MALSU1: variants seen among roughly 807,000 people sequenced by gnomAD.
MALSU1 encodes mitochondrial assembly of ribosomal large subunit 1.
MALSU1 carries 22 observed loss-of-function variants against 22.1 expected under a neutral mutation model. That is an observed-to-expected ratio of 1.00 (90% CI 0.71 to 1.42). The LOEUF is 1.42. Ranked by LOEUF, MALSU1 falls within the 40% of genes most tolerant of loss-of-function variation. The probability of loss-of-function intolerance (pLI) is 0.00; values close to 1 mark genes in which losing one functional copy is unlikely to be tolerated. For synonymous variants in MALSU1, 153 were observed against 118.5 expected, an observed-to-expected ratio of 1.29 and a Z score of -1.89; for missense variants, 379 against 308.3, an observed-to-expected ratio of 1.23 and a Z score of -1.72.
intron 2 of MALSU1, among the ~76,000 whole-genome samples, chr7:23,304,816 A>G (rs1204640861): frequency 2.0e-5 from 3 of 152,196 alleles, no homozygotes; most frequent in Non-Finnish European, 2.9e-5. Flanking sequence ...GGAGCTCTCT[A>G]TATATTCTGG....
chr7:23,302,553 GAC>G (rs1344586841), intron 2 of MALSU1, among the ~76,000 whole-genome samples: 1 of 152,196 alleles, frequency 6.6e-6, no homozygotes, highest in Non-Finnish European at 1.5e-5. Flanking sequence ...GATATACAAA[GAC>G]AGCATACCAG....
Position 23,300,939 on chromosome 7 carries a change from A to T in MALSU1, c.357A>T (p.Arg119Ser). 1 of 1,614,004 alleles carries T rather than the reference A, an allele frequency of 6.2e-7. No individual in the cohort carries two copies. The highest frequency in any genetic ancestry group is 8.5e-7 in the Non-Finnish European group (1 of 1,179,892). Residue 119 changes from arginine to serine, a missense_variant, in exon 2 of 4, where the codon AGA becomes AGT. Coordinates refer to ENST00000466681, the MANE Select transcript of MALSU1 (RefSeq NM_138446.2). ...ICVIQVPPEM[R>S]YTDYFVIVSG... ...TGATCCAGGTTCCTCCAGAAATGAGATATACAGATTACTTTGTGATTGTTA... is the reference window on the plus strand; with the variant it reads ...TGATCCAGGTTCCTCCAGAAATGAGTTATACAGATTACTTTGTGATTGTTA...
At chr7:23,300,168 C>G (rs1783622188) in intron 1 of MALSU1, among the ~76,000 whole-genome samples, 1 of 151,928 alleles carries the variant, frequency 6.6e-6, no homozygotes, top group Admixed American at 6.6e-5. Context: ...AAATTTACAG[C>G]CTGTAATACT....
In MALSU1 at chr7:23,309,624, C is replaced by T; in HGVS notation, c.*81C>T. 8.9e-7 allele frequency: 1 copy of T among 1,126,434 alleles called. No homozygotes were observed. The highest frequency in any genetic ancestry group is 1.2e-6 in the Non-Finnish European group (1 of 808,638). 69.8% of individuals were successfully genotyped at this position (1,126,434 alleles called of 1,614,324 possible). Reference sequence around the variant, plus strand: ...AAATACAGCTCCTAAAGTCCGTCTCCTTGGTTAGGCTGCTCTTAGGACAAG... The same window carrying T: ...AAATACAGCTCCTAAAGTCCGTCTCTTTGGTTAGGCTGCTCTTAGGACAAG... On this transcript the variant is annotated 3_prime_UTR_variant, in exon 4 of 4. Coordinates refer to ENST00000466681, the MANE Select transcript of MALSU1 (RefSeq NM_138446.2).
rs1370462465 is a variant in MALSU1 at position 23,299,488 on chromosome 7, G to A, written c.136G>A (p.Ala46Thr). 1 of 1,611,412 alleles carries A rather than the reference G, an allele frequency of 6.2e-7. No individual in the cohort carries two copies. Among genetic ancestry groups the A allele is most frequent in the African/African-American group, 1.3e-5 (1 of 75,066 alleles). ...GGCCGTGCAGCGGCTTCCCGTAGGAGCAGCGTTCTGCCGGGCTTGCCAGAC... is the reference window on the plus strand; with the variant it reads ...GGCCGTGCAGCGGCTTCCCGTAGGAACAGCGTTCTGCCGGGCTTGCCAGAC... ...LLAVQRLPVG[A>T]AFCRACQTPN... Residue 46 changes from alanine (A) to threonine (T), a missense_variant, in exon 1 of 4, where the codon GCA becomes ACA. Physicochemically the swap from Ala to Thr is moderately conservative, Grantham distance 58 (BLOSUM62 0). Transcript: ENST00000466681.
At chr7:23,308,320 T>G (rs1783750798) in intron 3 of MALSU1, among the ~76,000 whole-genome samples, 1 of 151,988 alleles carries the variant, frequency 6.6e-6, no homozygotes, top group African/African-American at 2.4e-5. Flanking sequence ...ATAAATGAGA[T>G]GAGGATGAGG....
intron 2 of MALSU1, among the ~76,000 whole-genome samples, chr7:23,304,615 T>A (rs1177699576): frequency 2.0e-5 from 3 of 152,174 alleles, no homozygotes; most frequent in Non-Finnish European, 2.9e-5. Context: ...TCCTCTCACC[T>A]CAGCCTCCCA....
In MALSU1 at chr7:23,311,160, T is replaced by C. The variant is rs1324194561; in HGVS notation, c.*1617T>C. The C allele has an allele frequency of 1.3e-5, 2 of 152,062 alleles. No homozygotes were observed. The highest frequency in any genetic ancestry group is 6.6e-5 in the Admixed American group (1 of 15,248). 9.4% of individuals were successfully genotyped at this position (152,062 alleles called of 1,614,324 possible). A position where few individuals can be genotyped will look rare whatever the true frequency, so the allele number is the denominator to read the frequency against. On this transcript the variant is annotated 3_prime_UTR_variant, in exon 4 of 4. Coordinates refer to ENST00000466681, the MANE Select transcript of MALSU1 (RefSeq NM_138446.2). ...AGTGCTTAAAAATCTTCAAAATAGC[T>C]TAGTGAGGCTCATGACAGTGCTGGC... is the stretch of plus-strand genomic sequence containing the variant.
chr7:23,300,769 G>A (rs1783631458), intron 1 of MALSU1, 70 bp from the exon 2 acceptor site: 8 of 1,314,530 alleles, frequency 6.1e-6, no homozygotes, highest in Admixed American at 1.9e-5. Context: ...GTCAGCTGCC[G>A]GCATCTCTGG....
At chr7:23,303,398 G>A (rs182324889) in intron 2 of MALSU1, among the ~76,000 whole-genome samples, 3 of 152,226 alleles carry the variant, frequency 2.0e-5, no homozygotes, top group Non-Finnish European at 2.9e-5. Flanking sequence ...TCTATCTTAC[G>A]TATATACCAC....
chr7:23,300,849 T>C lies in MALSU1; in HGVS notation c.267T>C (p.Gly89=). Residue 89 remains glycine, a synonymous_variant, in exon 2 of 4, where the codon GGT becomes GGC. Coordinates refer to ENST00000466681, the MANE Select transcript of MALSU1 (RefSeq NM_138446.2). ...ATTTGTGCATTTCAGATCATACTGG[T>C]CCCAAGTTTGACATCGATATGATGG... The part of the protein sequence containing the change: ...RPESDAADHT[G]PKFDIDMMVS... The C allele has an allele frequency of 6.2e-7, 1 of 1,613,594 alleles. No homozygotes were observed. The highest frequency in any genetic ancestry group is 8.5e-7 in the Non-Finnish European group (1 of 1,179,770).
At chr7:23,305,025 T>C (rs1783706254) in intron 2 of MALSU1, among the ~76,000 whole-genome samples, 1 of 152,222 alleles carries the variant, frequency 6.6e-6, no homozygotes, top group Non-Finnish European at 1.5e-5. Flanking sequence ...GTTTTCCCTA[T>C]TTTCTTCTAA....
intron 2 of MALSU1, among the ~76,000 whole-genome samples, chr7:23,305,353 G>C (rs1286092225): frequency 6.6e-6 from 1 of 151,264 alleles, no homozygotes; most frequent in Admixed American, 6.6e-5. Flanking sequence ...TCTTTTACAA[G>C]ATTGTTTTGG....
At chr7:23,307,834 CT>C in intron 2 of MALSU1, 33 bp from the exon 3 acceptor site, 3 of 1,459,952 alleles carry the variant, frequency 2.1e-6, no homozygotes, top group Non-Finnish European at 2.9e-6. Flanking sequence ...CCCCCATCCC[CT>C]CTCCCTTTAA....
chr7:23,300,955 G>T lies in MALSU1; in HGVS notation c.373G>T (p.Val125Leu), dbSNP rs753134280. Residue 125 changes from valine (V) to leucine (L), a missense_variant, in exon 2 of 4, where the codon GTG (valine) becomes TTG (leucine). Val to Leu is a conservative substitution (Grantham distance 32). Transcript: ENST00000466681. ...AGAAATGAGATATACAGATTACTTTGTGATTGTTAGTGGAACTTCTACCCG... is the reference window on the plus strand; with the variant it reads ...AGAAATGAGATATACAGATTACTTTTTGATTGTTAGTGGAACTTCTACCCG... ...PPEMRYTDYF[V>L]IVSGTSTRHL... The T allele has an allele frequency of 1.6e-4, 251 of 1,613,890 alleles. No individual in the cohort carries two copies. Among genetic ancestry groups the T allele is most frequent in the Non-Finnish European group, 2.0e-4 (235 of 1,179,962 alleles).
In MALSU1 at chr7:23,307,938, G is replaced by T. The variant is rs1354718458; in HGVS notation, c.506G>T (p.Cys169Phe). ...GGGAAGGACACTGATGACTGGCTGT[G>T]CGTGGATTTTGGTAAGTTATTCTGG... ...IEGKDTDDWLCVDFGSMVIHL... is the reference protein window; with the variant it reads ...IEGKDTDDWLFVDFGSMVIHL... The change falls in exon 3 of 4, where the codon TGC becomes TTC. Residue 169 changes from cysteine (C) to phenylalanine (F), a missense_variant. By Grantham distance (205) the Cys-to-Phe change is radical (BLOSUM62 -2). Coordinates refer to ENST00000466681, the MANE Select transcript of MALSU1 (RefSeq NM_138446.2). The T allele has an allele frequency of 5.0e-6, 8 of 1,613,114 alleles. No homozygotes were observed. The South Asian group carries it at 8.8e-5, about 18-fold the overall frequency.
chr7:23,308,145 C>T (rs974682178), intron 3 of MALSU1, among the ~76,000 whole-genome samples, 196 bp downstream of exon 3: 1 of 152,092 alleles, frequency 6.6e-6, no homozygotes, highest in African/African-American at 2.4e-5. Flanking sequence ...TTCACCTAAC[C>T]AAACCAAAGT....
rs746855525 is a variant in MALSU1, at chr7:23,309,452, A to G, written c.614A>G (p.Gln205Arg). The change falls in exon 4 of 4, where the codon CAG (glutamine) becomes CGG (arginine). Residue 205 changes from glutamine to arginine, a missense_variant. Physicochemically the swap from Gln to Arg is conservative, Grantham distance 43. Coordinates refer to ENST00000466681, the MANE Select transcript of MALSU1 (RefSeq NM_138446.2). ...TLRSYDDQLA[Q>R]IAPETVPEDF... ...CGTTCTTATGATGACCAGTTAGCTC[A>G]GATAGCACCTGAGACAGTACCTGAA... is the stretch of plus-strand genomic sequence containing the variant. 6.2e-7 allele frequency: 1 copy of G among 1,613,664 alleles called. No homozygotes were observed. The highest frequency in any genetic ancestry group is 2.2e-5 in the East Asian group (1 of 44,874).
At chr7:23,306,448 G>A (rs942670977) in intron 2 of MALSU1, among the ~76,000 whole-genome samples, 2 of 147,736 alleles carry the variant, frequency 1.4e-5, no homozygotes, top group Admixed American at 6.7e-5. Context: ...TTTTATTGAC[G>A]AATTGCTCTG....
Sources: gnomAD v4.1 joint callset for allele counts (sites outside exome capture counted in the v4.1 genomes callset) on GRCh38, gnomAD v4.1.1 for gene constraint, MANE v1.5 for transcripts, NCBI Gene and HGNC (gene_info 2026-07-23, HGNC 2026-07-21) for gene names.